ARID2: variants seen among roughly 807,000 people sequenced by gnomAD.
ARID2 encodes AT-rich interactive domain-containing protein 2.
ARID2 carries 32 observed loss-of-function variants against 184.6 expected under a neutral mutation model. That is an observed-to-expected ratio of 0.17 (90% confidence interval 0.13 to 0.23). The LOEUF is 0.23. Among genes scored for constraint, ARID2 ranks in the 10% least tolerant of loss-of-function variants. The pLI is 1.00. For synonymous variants in ARID2, 836 were observed against 772.6 expected (o/e 1.08, Z -1.36); for missense variants, 1,696 against 2,197.6 (o/e 0.77, Z 4.56).
At chr12:45,813,866 C>T (rs773322030) in intron 4 of ARID2, among the ~76,000 whole-genome samples, 6 of 152,054 alleles carry the variant, frequency 3.9e-5, no homozygotes, top group Non-Finnish European at 7.4e-5. Flanking sequence ...TGGTTTTTAT[C>T]ATTCATTTGC....
chr12:45,898,132 A>G (rs1944394527), intron 20 of ARID2, among the ~76,000 whole-genome samples: 1 of 152,214 alleles, frequency 6.6e-6, no homozygotes, highest in Admixed American at 6.5e-5. Flanking sequence ...TATGCTACAT[A>G]TGAATAAACT....
intron 3 of ARID2, among the ~76,000 whole-genome samples, chr12:45,774,201 A>G (rs918900289): frequency 6.6e-6 from 1 of 152,160 alleles, no homozygotes; most frequent in Non-Finnish European, 1.5e-5. Context: ...TACTAGTTGT[A>G]TTTCTAGGTT....
At chr12:45,844,340 A>G (rs917671782) in intron 11 of ARID2, among the ~76,000 whole-genome samples, 2 of 152,206 alleles carry the variant, frequency 1.3e-5, no homozygotes, top group Admixed American at 6.5e-5. Context: ...TTTCTTTAAA[A>G]TATTTTCTGT....
chr12:45,793,960 G>T lies in ARID2; in HGVS notation c.285-17458G>T, dbSNP rs147748559. ...TGTCTTTGGTTTTTGAAACTATGTT[G>T]TAAGCAGTTATGAATTTTTAAAATC... On this transcript the variant is annotated intron_variant, in intron 3 of 20. Coordinates refer to ENST00000334344, the MANE Select transcript of ARID2 (RefSeq NM_152641.4). 5.9e-4 allele frequency among the ~76,000 whole-genome samples: 90 copies of T among 151,832 alleles called. 1 individual carries two copies. In the East Asian group the frequency reaches 0.015, roughly 25 times the overall value.
At chr12:45,832,901 C>T (rs1041345173) in intron 6 of ARID2, among the ~76,000 whole-genome samples, 6 of 152,228 alleles carry the variant, frequency 3.9e-5, no homozygotes, top group African/African-American at 1.4e-4. Flanking sequence ...TACTGCTATA[C>T]CATTTTATAT....
chr12:45,745,169 C>G (rs560089942), intron 3 of ARID2, among the ~76,000 whole-genome samples: 1 of 152,194 alleles, frequency 6.6e-6, no homozygotes, highest in South Asian at 2.1e-4. Context: ...TTTGTAGAAG[C>G]CCAGTAGTAT....
intron 4 of ARID2, among the ~76,000 whole-genome samples, chr12:45,816,342 G>C (rs1942802510): frequency 6.6e-6 from 1 of 152,086 alleles, no homozygotes; most frequent in Non-Finnish European, 1.5e-5. Context: ...AAAATGAAAA[G>C]ATAAGCCACT....
Position 45,905,255 on chromosome 12 carries a change from C to T in ARID2, c.*177C>T. 1.9e-6 allele frequency: 1 copy of T among 516,340 alleles called. No homozygotes were observed. Among genetic ancestry groups the T allele is most frequent in the South Asian group, 6.4e-5 (1 of 15,642 alleles). The allele number at this position is 516,340 out of a possible 1,614,324, so 32.0% of individuals were successfully genotyped here. A position where few individuals can be genotyped will look rare whatever the true frequency, so the allele number is the denominator to read the frequency against. On this transcript the variant is annotated 3_prime_UTR_variant, in exon 21 of 21. Transcript: ENST00000334344. ...ATCTCTGAGTGAATCCCTTTGTTCT[C>T]TGTTTAAAAAAATCTAAAAAGAAAA...
chr12:45,890,943 G>A (rs1944292017), intron 16 of ARID2, among the ~76,000 whole-genome samples: 1 of 152,088 alleles, frequency 6.6e-6, no homozygotes, highest in South Asian at 2.1e-4. Flanking sequence ...AAGGCGGGCA[G>A]ATCATGAGGT....
chr12:45,808,575 T>C (rs1374336283), intron 3 of ARID2, among the ~76,000 whole-genome samples: 1 of 152,124 alleles, frequency 6.6e-6, no homozygotes, highest in Non-Finnish European at 1.5e-5. Flanking sequence ...ATATATATAA[T>C]ATATATGGTT....
At chr12:45,848,378 G>A (rs1481795220) in intron 12 of ARID2, among the ~76,000 whole-genome samples, 16 of 152,028 alleles carry the variant, frequency 1.1e-4, no homozygotes, top group Admixed American at 1.0e-3. Flanking sequence ...GCTTGGATAA[G>A]TTTTTTCTGA....
chr12:45,790,956 C>A (rs1354512126), intron 3 of ARID2, among the ~76,000 whole-genome samples: 2 of 152,118 alleles, frequency 1.3e-5, no homozygotes, highest in Admixed American at 6.5e-5. Context: ...GCTTGGGCTA[C>A]TTCTTCCTTT....
intron 3 of ARID2, among the ~76,000 whole-genome samples, chr12:45,733,214 TAAAGAAATACA>T (rs1191840536): frequency 6.6e-6 from 1 of 152,210 alleles, no homozygotes; most frequent in African/African-American, 2.4e-5. Flanking sequence ...GCATGGCTTG[TAAAGAAATACA>T]AAAGAAATAT....
chr12:45,848,305 T>C (rs1480334490), intron 12 of ARID2, among the ~76,000 whole-genome samples: 1 of 152,058 alleles, frequency 6.6e-6, no homozygotes, highest in East Asian at 1.9e-4. Flanking sequence ...AAAACTGTTT[T>C]GAAATGGGGA....
intron 15 of ARID2, among the ~76,000 whole-genome samples, chr12:45,853,159 G>C (rs1222720149): frequency 6.6e-6 from 1 of 152,148 alleles, no homozygotes; most frequent in Non-Finnish European, 1.5e-5. Flanking sequence ...TTGCTAATCT[G>C]ACATCTTTTG....
intron 3 of ARID2, among the ~76,000 whole-genome samples, chr12:45,811,065 C>T (rs577595081): frequency 1.2e-4 from 18 of 151,992 alleles, no homozygotes; most frequent in African/African-American, 4.1e-4. Flanking sequence ...AAAAATTAGC[C>T]GGGTGTGGTG....
At chr12:45,807,771 A>G (rs1444975536) in intron 3 of ARID2, among the ~76,000 whole-genome samples, 2 of 152,178 alleles carry the variant, frequency 1.3e-5, no homozygotes, top group African/African-American at 2.4e-5. Context: ...TTAAGATTCT[A>G]AAAGGAAGTC....
At chr12:45,749,097 A>C (rs1266611078) in intron 3 of ARID2, among the ~76,000 whole-genome samples, 1 of 152,220 alleles carries the variant, frequency 6.6e-6, no homozygotes, top group African/African-American at 2.4e-5. Context: ...TACTTTGCTC[A>C]CTTCCATCCA....
Position 45,838,764 on chromosome 12 carries a change from C to CA in ARID2, c.1331-556dup, listed in dbSNP as rs548609586. On this transcript the variant is annotated intron_variant, in intron 10 of 20. Coordinates refer to ENST00000334344, the MANE Select transcript of ARID2 (RefSeq NM_152641.4). ...TGGGTGACAGAACAAGATCCTTTCT[C>CA]AAAAAAAAATATATAGATAGATAGA... is the stretch of plus-strand genomic sequence containing the variant. 3.1e-3 allele frequency among the ~76,000 whole-genome samples: 455 copies of CA among 147,252 alleles called. 4 individuals are homozygous for CA. The highest frequency in any genetic ancestry group is 0.01 in the African/African-American group (419 of 39,988).
Sources: allele counts gnomAD v4.1 joint callset (sites outside exome capture counted in the v4.1 genomes callset), GRCh38; gene constraint gnomAD v4.1.1; transcripts MANE v1.5; gene names NCBI Gene and HGNC (gene_info 2026-07-23, HGNC 2026-07-21).